Variants in ZNF385D observed in about 807,000 individuals in gnomAD.
ZNF385D encodes zinc finger protein 659.
In ZNF385D, 15 loss-of-function variants were observed where a neutral mutation model predicts 35.8. The ratio of observed to expected loss-of-function variants is 0.42; its 90% CI spans 0.28 to 0.64. The LOEUF (loss-of-function observed/expected upper bound fraction) is 0.64, where lower values mean the gene tolerates loss of function less well. ZNF385D is among the 30% of genes least tolerant of loss of function. The pLI, the probability that ZNF385D is intolerant of heterozygous loss-of-function variation, is 0.23. For synonymous variants in ZNF385D, 212 were observed against 186.8 expected, an observed-to-expected ratio of 1.13 and a Z score of -1.10; for missense variants, 474 against 494.6, an observed-to-expected ratio of 0.96 and a Z score of 0.39.
chr3:21,642,057 C>T (rs1236446200), intron 2 of ZNF385D, among the ~76,000 whole-genome samples: 1 of 152,088 alleles, frequency 6.6e-6, no homozygotes, highest in Non-Finnish European at 1.5e-5. Context: ...GCAGAAAACT[C>T]ATCTGCATAA....
intron 3 of ZNF385D, among the ~76,000 whole-genome samples, chr3:21,891,880 G>A (rs1454326454): frequency 6.6e-6 from 1 of 152,102 alleles, no homozygotes; most frequent in Non-Finnish European, 1.5e-5. Context: ...TTCTGTCATT[G>A]ATGTGATTTA....
At chr3:21,876,477 T>A (rs1204580003) in intron 3 of ZNF385D, among the ~76,000 whole-genome samples, 1 of 151,594 alleles carries the variant, frequency 6.6e-6, no homozygotes, top group African/African-American at 2.4e-5. Context: ...ATAATATATA[T>A]ATTCTTTTGA....
At chr3:22,116,795 T>C (rs1702833844) in intron 3 of ZNF385D, among the ~76,000 whole-genome samples, 1 of 152,030 alleles carries the variant, frequency 6.6e-6, no homozygotes, top group Non-Finnish European at 1.5e-5. Flanking sequence ...AAATTACAGT[T>C]TTTATAAATA....
At chr3:21,528,515 C>A (rs1346342167) in intron 3 of ZNF385D, among the ~76,000 whole-genome samples, 1 of 152,116 alleles carries the variant, frequency 6.6e-6, no homozygotes, top group Non-Finnish European at 1.5e-5. Flanking sequence ...CAGACAAATG[C>A]AGCAATCTTG....
chr3:22,041,179 C>T (rs561129636), intron 3 of ZNF385D, among the ~76,000 whole-genome samples: 5 of 152,098 alleles, frequency 3.3e-5, no homozygotes, highest in South Asian at 2.1e-4. Context: ...TTTTACCCCT[C>T]TCTGGTTCAA....
intron 3 of ZNF385D, among the ~76,000 whole-genome samples, chr3:22,118,886 G>A (rs1702943039): frequency 6.6e-6 from 1 of 152,010 alleles, no homozygotes. Flanking sequence ...CTGCTTTGTA[G>A]ATAAAAGTTT....
intron 3 of ZNF385D, among the ~76,000 whole-genome samples, chr3:21,762,335 C>A (rs529945240): frequency 6.6e-6 from 1 of 152,154 alleles, no homozygotes; most frequent in Non-Finnish European, 1.5e-5. Flanking sequence ...AATACCATTT[C>A]TCTATGCCTG....
At chr3:22,209,574 T>C (rs886631540) in intron 2 of ZNF385D, among the ~76,000 whole-genome samples, 16 of 151,944 alleles carry the variant, frequency 1.1e-4, no homozygotes, top group African/African-American at 3.9e-4. Context: ...TTTTGTTCCA[T>C]GCACTGGTAA....
At chr3:21,639,393 A>G (rs1302925814) in intron 2 of ZNF385D, among the ~76,000 whole-genome samples, 1 of 152,096 alleles carries the variant, frequency 6.6e-6, no homozygotes, top group East Asian at 1.9e-4. Flanking sequence ...TGTTGAATGA[A>G]TTGACAAATA....
intron 1 of ZNF385D, among the ~76,000 whole-genome samples, chr3:21,733,421 C>G (rs1408133414): frequency 6.6e-6 from 1 of 152,098 alleles, no homozygotes; most frequent in Non-Finnish European, 1.5e-5. Context: ...TGTTCATATT[C>G]TTCATCAATT....
chr3:21,734,198 G>C (rs2069139416), intron 1 of ZNF385D, among the ~76,000 whole-genome samples: 1 of 151,768 alleles, frequency 6.6e-6, no homozygotes, highest in African/African-American at 2.4e-5. Flanking sequence ...CGAAGAGTTT[G>C]TGAAAATACT....
intron 3 of ZNF385D, among the ~76,000 whole-genome samples, chr3:21,861,273 C>G (rs1414008653): frequency 6.6e-6 from 1 of 152,082 alleles, no homozygotes; most frequent in Non-Finnish European, 1.5e-5. Flanking sequence ...TACAGTCTGC[C>G]ACTATAAACT....
Position 22,120,309 on chromosome 3 carries a change from C to G in ZNF385D, c.325+48508G>C, listed in dbSNP as rs931300392. 7.4e-5 allele frequency among the ~76,000 whole-genome samples: 11 copies of G among 149,266 alleles called. No homozygotes were observed. In the East Asian group the frequency reaches 2.3e-3, roughly 31 times the overall value. On this transcript the variant is annotated intron_variant, in intron 3 of 5. Coordinates refer to the ZNF385D transcript ENST00000494108. ...TTTGGTTTCTCCTTTGGCCTCTTTC[C>G]TCAGCTTGCAGATGACACCTTCCCA... is the stretch of plus-strand genomic sequence containing the variant.
intron 2 of ZNF385D, among the ~76,000 whole-genome samples, chr3:22,266,333 A>G (rs1196885468): frequency 6.6e-6 from 1 of 151,926 alleles, no homozygotes; most frequent in Non-Finnish European, 1.5e-5. Flanking sequence ...AGTATTTCTT[A>G]ATGCACATCT....
At position 21,557,711 on chromosome 3, in the gene ZNF385D, C is replaced by A. The variant is rs1384863027; in HGVS notation, c.276+6863G>T. Among the ~76,000 whole-genome samples the A allele has an allele frequency of 2.0e-5, 3 of 151,924 alleles. No homozygotes were observed. In the South Asian group the frequency reaches 6.2e-4, roughly 32 times the overall value. On this transcript the variant is annotated intron_variant, in intron 3 of 7. Coordinates refer to ENST00000281523, the MANE Select transcript of ZNF385D (RefSeq NM_024697.3). Reference sequence around the variant, plus strand: ...AGGGAGGATTCCCTCTTTTTCTGTTCCTTGGAATAGTTTCAGAAGGAATGG... The same window carrying A: ...AGGGAGGATTCCCTCTTTTTCTGTTACTTGGAATAGTTTCAGAAGGAATGG...
rs566133103 is a variant in ZNF385D at position 21,820,761 on chromosome 3, T to C, written c.326-155733A>G. On this transcript the variant is annotated intron_variant, in intron 3 of 5. Coordinates refer to the ZNF385D transcript ENST00000494108. The stretch of plus-strand genomic sequence containing the variant: ...GGGATATAATTATAGCTTCAACTTC[T>C]ATTAAAAGAAAAACACAGAAAACCC... Among the ~76,000 whole-genome samples, 11 of 151,294 alleles carry C rather than the reference T, an allele frequency of 7.3e-5. No individual in the cohort carries two copies. In the South Asian group the frequency reaches 2.3e-3, roughly 32 times the overall value.
At chr3:21,823,501 AAC>A (rs1387374640) in intron 3 of ZNF385D, among the ~76,000 whole-genome samples, 4 of 151,354 alleles carry the variant, frequency 2.6e-5, no homozygotes, top group Non-Finnish European at 4.4e-5. Flanking sequence ...ATAGTATATA[AAC>A]ACATTTTGTT....
intron 3 of ZNF385D, among the ~76,000 whole-genome samples, chr3:21,543,815 C>A (rs915480031): frequency 2.6e-5 from 4 of 152,164 alleles, no homozygotes; most frequent in African/African-American, 9.7e-5. Context: ...ATATTTTCTG[C>A]AAAGTTTTGG....
Position 21,679,880 on chromosome 3 carries a change from A to T in ZNF385D, c.23-14852T>A, listed in dbSNP as rs573737801. Among the ~76,000 whole-genome samples, 9 of 152,190 alleles carry T rather than the reference A, an allele frequency of 5.9e-5. 1 individual carries two copies. The South Asian group carries it at 1.9e-3, about 32-fold the overall frequency. On this transcript the variant is annotated intron_variant, in intron 1 of 7. Transcript: ENST00000281523. ...ATATGGAAATACCCACTCTTAAATG[A>T]TCTCATGGTAACCCATAGAAGTATA...
Sources: gnomAD v4.1 joint callset for allele counts (sites outside exome capture counted in the v4.1 genomes callset) on GRCh38, gnomAD v4.1.1 for gene constraint, MANE v1.5 for transcripts, NCBI Gene and HGNC (gene_info 2026-07-23, HGNC 2026-07-21) for gene names.